Variants in RBFOX1 observed in about 807,000 individuals in gnomAD.
RBFOX1 encodes RNA binding protein fox-1 homolog 1.
In RBFOX1, 8 loss-of-function variants were observed where a neutral mutation model predicts 57.7. The ratio of observed to expected loss-of-function variants is 0.14; its 90% CI spans 0.08 to 0.25. RBFOX1 has a LOEUF of 0.25. Among genes scored for constraint, RBFOX1 ranks in the 10% least tolerant of loss-of-function variants. RBFOX1 has a pLI of 1.00. For synonymous variants in RBFOX1, 326 were observed against 222.4 expected, an observed-to-expected ratio of 1.47 and a Z score of -4.15; for missense variants, 611 against 548.5, an observed-to-expected ratio of 1.11 and a Z score of -1.14.
rs975251550 is a variant in RBFOX1 at position 7,533,139 on chromosome 16, G to A, written c.270+14750G>A. 2.0e-5 allele frequency among the ~76,000 whole-genome samples: 3 copies of A among 152,172 alleles called. 1 individual carries two copies. In the South Asian group the frequency reaches 6.2e-4, roughly 32 times the overall value. On this transcript the variant is annotated intron_variant, in intron 5 of 15. Transcript: ENST00000550418. ...TTTTACCAAGTGTACCCTTTTACCT[G>A]CATGGACTGGTCCTCATAGGCACTT...
chr16:6,065,252 C>G (rs1223368959), intron 1 of RBFOX1, among the ~76,000 whole-genome samples: 3 of 147,110 alleles, frequency 2.0e-5, no homozygotes, highest in Non-Finnish European at 3.0e-5. Flanking sequence ...CACGGCTGGT[C>G]TCAAACTCCT....
intron 1 of RBFOX1, among the ~76,000 whole-genome samples, chr16:6,160,568 C>G (rs964588203): frequency 1.3e-5 from 2 of 152,174 alleles, no homozygotes; most frequent in Non-Finnish European, 2.9e-5. Flanking sequence ...CATCTAGATT[C>G]TCCTCCATCC....
chr16:6,635,874 G>A (rs1321106203), intron 2 of RBFOX1, among the ~76,000 whole-genome samples: 1 of 152,190 alleles, frequency 6.6e-6, no homozygotes, highest in Non-Finnish European at 1.5e-5. Context: ...TTCGAGACCA[G>A]AGGTATTTTG....
At chr16:6,062,621 T>TATAATATATAACATATACAAATA (rs6145734) in intron 1 of RBFOX1, among the ~76,000 whole-genome samples, 1 of 147,712 alleles carries the variant, frequency 6.8e-6, no homozygotes, top group African/African-American at 2.5e-5. Flanking sequence ...AATATATAAA[T>TATAATATATAACATATACAAATA]ATATATAACA....
intron 1 of RBFOX1, among the ~76,000 whole-genome samples, chr16:6,295,829 A>T (rs72778205): frequency 0.24 from 36,356 of 152,036 alleles, 4,434 homozygotes; most frequent in South Asian, 0.25. Flanking sequence ...GCCGGGAGCG[A>T]TTTGTCAGCT....
At chr16:7,061,084 C>T (rs539094526) in intron 4 of RBFOX1, among the ~76,000 whole-genome samples, 2 of 152,018 alleles carry the variant, frequency 1.3e-5, no homozygotes, top group East Asian at 3.9e-4. Flanking sequence ...CAGAAGTTTG[C>T]TTGCTTTAAT....
chr16:6,576,551 A>G (rs11865567), intron 2 of RBFOX1, among the ~76,000 whole-genome samples: 3,347 of 151,926 alleles, frequency 0.022, 148 homozygotes, highest in African/African-American at 0.076. Context: ...TCACCCTCCT[A>G]TTTTCTTTCT....
intron 1 of RBFOX1, among the ~76,000 whole-genome samples, chr16:6,050,757 G>A (rs1334592905): frequency 6.6e-6 from 1 of 151,912 alleles, no homozygotes; most frequent in Non-Finnish European, 1.5e-5. Flanking sequence ...AGTTTATACA[G>A]GAAATACAGG....
intron 2 of RBFOX1, among the ~76,000 whole-genome samples, chr16:5,488,115 GAT>G: frequency 8.1e-6 from 1 of 123,132 alleles, no homozygotes; most frequent in African/African-American, 5.6e-5. Context: ...TGGTGGTGGT[GAT>G]GATGATGATA....
intron 4 of RBFOX1, among the ~76,000 whole-genome samples, chr16:7,221,921 T>G (rs1031112258): frequency 5.9e-5 from 9 of 152,084 alleles, no homozygotes; most frequent in Non-Finnish European, 8.8e-5. Flanking sequence ...ACAAAATGGG[T>G]AGAAAATGAT....
Position 7,653,918 on chromosome 16 carries a change from G to T in RBFOX1, c.861G>T (p.Ala287=), listed in dbSNP as rs1002091085. Residue 287 remains alanine, a synonymous_variant, in exon 12 of 16, where the codon GCG becomes GCT. Transcript: ENST00000550418. The part of the protein sequence containing the change: ...RTVYNTFRAA[A]PPPPIPAYGG... The stretch of plus-strand genomic sequence containing the variant: ...TGTACAACACCTTCAGGGCCGCGGC[G>T]CCCCCGCCCCCGATCCCGGCCTACG... 1.9e-6 allele frequency: 3 copies of T among 1,562,352 alleles called. No homozygotes were observed. The highest frequency in any genetic ancestry group is 1.4e-5 in the African/African-American group (1 of 73,518).
chr16:6,405,384 A>G (rs1374398476), intron 2 of RBFOX1, among the ~76,000 whole-genome samples: 1 of 152,198 alleles, frequency 6.6e-6, no homozygotes, highest in Non-Finnish European at 1.5e-5. Flanking sequence ...TCATATGTCC[A>G]GTGTTGGGCA....
intron 3 of RBFOX1, among the ~76,000 whole-genome samples, chr16:6,915,295 C>T (rs752246070): frequency 3.9e-5 from 6 of 152,124 alleles, no homozygotes; most frequent in East Asian, 1.9e-4. Flanking sequence ...TGTTTCCATT[C>T]TCTGTGTTGC....
chr16:6,735,491 C>T (rs569173674), intron 3 of RBFOX1, among the ~76,000 whole-genome samples: 2 of 152,296 alleles, frequency 1.3e-5, no homozygotes, highest in South Asian at 2.1e-4. Context: ...ATACATATTT[C>T]AACAGTTATT....
At chr16:6,467,053 CAT>C (rs1318085555) in intron 2 of RBFOX1, among the ~76,000 whole-genome samples, 2 of 150,440 alleles carry the variant, frequency 1.3e-5, no homozygotes, top group African/African-American at 2.4e-5. Flanking sequence ...TGTAATGTAA[CAT>C]ATGGGATTTT....
At chr16:5,725,611 C>G (rs909044430) in intron 3 of RBFOX1, among the ~76,000 whole-genome samples, 2 of 151,340 alleles carry the variant, frequency 1.3e-5, no homozygotes, top group Admixed American at 1.3e-4. Flanking sequence ...TGTAGCCCTT[C>G]TGCTTGAGTC....
At chr16:6,658,481 A>C (rs1047255107) in intron 3 of RBFOX1, among the ~76,000 whole-genome samples, 1 of 152,166 alleles carries the variant, frequency 6.6e-6, no homozygotes, top group Non-Finnish European at 1.5e-5. Flanking sequence ...TGCTGGGATT[A>C]CAGGCATGAG....
At chr16:7,691,176 C>A (rs1219570537) in intron 14 of RBFOX1, among the ~76,000 whole-genome samples, 1 of 151,142 alleles carries the variant, frequency 6.6e-6, no homozygotes, top group Non-Finnish European at 1.5e-5. Flanking sequence ...TAGCTGTTAA[C>A]TCCTTTTAAA....
intron 1 of RBFOX1, among the ~76,000 whole-genome samples, chr16:6,167,982 C>T (rs909428058): frequency 2.0e-5 from 3 of 152,172 alleles, no homozygotes; most frequent in African/African-American, 4.8e-5. Context: ...CAATTATAAA[C>T]TTTAACCTTA....
Sources: gnomAD v4.1 joint callset for allele counts (sites outside exome capture counted in the v4.1 genomes callset) on GRCh38, gnomAD v4.1.1 for gene constraint, MANE v1.5 for transcripts, NCBI Gene and HGNC (gene_info 2026-07-23, HGNC 2026-07-21) for gene names.